LRP2: variants seen among roughly 807,000 people sequenced by gnomAD.
LRP2 encodes the protein LDL receptor related protein 2.
In LRP2, 172 loss-of-function variants were observed where a neutral mutation model predicts 531.0. The observed-to-expected ratio is 0.32, with a 90% CI of 0.29 to 0.37. The LOEUF (loss-of-function observed/expected upper bound fraction) is 0.37, where lower values mean the gene tolerates loss of function less well. LRP2 is among the 10% of genes least tolerant of loss of function. The probability of loss-of-function intolerance (pLI) is 1.00; values close to 1 mark genes in which losing one functional copy is unlikely to be tolerated. For synonymous variants in LRP2, 1,992 were observed against 2,027.6 expected, an observed-to-expected ratio of 0.98 and a Z score of 0.47; for missense variants, 5,167 against 5,868.3, an observed-to-expected ratio of 0.88 and a Z score of 3.90.
At chr2:169,289,863 A>T (rs1281961707) in intron 8 of LRP2, among the ~76,000 whole-genome samples, 1 of 151,508 alleles carries the variant, frequency 6.6e-6, no homozygotes, top group Non-Finnish European at 1.5e-5. Context: ...AAGCTTTTTT[A>T]AATGGGCTCC....
chr2:169,361,340 GTC>G (rs1240569991), intron 1 of LRP2, among the ~76,000 whole-genome samples: 14 of 23,272 alleles, frequency 6.0e-4, no homozygotes, highest in African/African-American at 1.3e-3. Context: ...GTCTCTCTCT[GTC>G]TCTCTCTGTC....
intron 3 of LRP2, 38 bp downstream of exon 3, chr2:169,318,724 C>A: frequency 1.2e-6 from 2 of 1,613,788 alleles, no homozygotes; most frequent in Non-Finnish European, 1.7e-6. Flanking sequence ...TTTTAGGTGT[C>A]CACAAAGCCA....
At chr2:169,191,789 G>T in intron 48 of LRP2, 43 bp downstream of exon 48, 1 of 1,567,872 alleles carries the variant, frequency 6.4e-7, no homozygotes, top group Non-Finnish European at 8.8e-7. Flanking sequence ...AGCCCCCATG[G>T]ACATTTGAGG....
chr2:169,211,125 C>T (rs1267707070), intron 37 of LRP2, among the ~76,000 whole-genome samples: 5 of 152,184 alleles, frequency 3.3e-5, no homozygotes, highest in Admixed American at 1.3e-4. Context: ...CATGGGTCCA[C>T]GTGAACATGA....
Position 169,270,753 on chromosome 2 carries a change from A to G in LRP2, c.2320+151T>C, listed in dbSNP as rs897388453. The G allele has an allele frequency of 1.8e-4, 44 of 240,116 alleles. No homozygotes were observed. The Admixed American group carries it at 2.1e-3, about 11-fold the overall frequency. 14.9% of individuals were successfully genotyped at this position (240,116 alleles called of 1,614,324 possible). A position where few individuals can be genotyped will look rare whatever the true frequency, so the allele number is the denominator to read the frequency against. On this transcript the variant is annotated intron_variant, in intron 16 of 78. Coordinates refer to ENST00000649046, the MANE Select transcript of LRP2 (RefSeq NM_004525.3). Reference sequence around the variant, plus strand: ...CATGTACCCTAGAACTTAAAGTAAAATAGTATAAATAAATAAATAAATAAA... The same window carrying G: ...CATGTACCCTAGAACTTAAAGTAAAGTAGTATAAATAAATAAATAAATAAA...
At chr2:169,287,417 AACCTACAGTT>A (rs1453225235) in intron 9 of LRP2, among the ~76,000 whole-genome samples, 1 of 152,162 alleles carries the variant, frequency 6.6e-6, no homozygotes, top group African/African-American at 2.4e-5. Flanking sequence ...TGATATTAAG[AACCTACAGTT>A]ACCCACTATG....
At chr2:169,325,814 T>C (rs1402142444) in intron 1 of LRP2, among the ~76,000 whole-genome samples, 1 of 152,068 alleles carries the variant, frequency 6.6e-6, no homozygotes. Flanking sequence ...TTTTTTTTAA[T>C]CCAGTTTACA....
chr2:169,236,046 C>G lies in LRP2; in HGVS notation c.4714G>C (p.Asp1572His), dbSNP rs778055388. 5.0e-6 allele frequency: 8 copies of G among 1,613,826 alleles called. No individual in the cohort carries two copies. Among genetic ancestry groups the G allele is most frequent in the Non-Finnish European group, 6.8e-6 (8 of 1,179,884 alleles). ...TCGATGCGAGGGTGGTGGCCCCAGT[C>G]AGACCAGAACAGTAGATGCTCACTG... is the stretch of plus-strand genomic sequence containing the variant. ...RMNEHLLFWS[D>H]WGHHPRIERA... Residue 1572 changes from aspartate (D) to histidine (H), a missense_variant, in exon 29 of 79, where the codon GAC (aspartate) becomes CAC (histidine). Asp to His is a moderately conservative substitution (Grantham distance 81, BLOSUM62 -1). This residue lies in a region of LRP2 where 2,811 missense variants were observed against 3,058.0 expected (regional missense o/e 0.92). Transcript: ENST00000649046.
In LRP2 at chr2:169,147,023, C is replaced by T. The variant is rs562257346; in HGVS notation, c.12591-64G>A. The T allele has an allele frequency of 1.4e-4, 177 of 1,230,148 alleles. No individual in the cohort carries two copies. The South Asian group carries it at 2.1e-3, about 15-fold the overall frequency. 76.2% of individuals were successfully genotyped at this position (1,230,148 alleles called of 1,614,324 possible). On this transcript the variant is annotated intron_variant, in intron 68 of 78. Coordinates refer to ENST00000649046, the MANE Select transcript of LRP2 (RefSeq NM_004525.3). ...GTAAGACTTCTCCACTACAGCAGAG[C>T]ACAGGGCATTACCTACAGGGAAACC...
chr2:169,182,568 C>G, intron 50 of LRP2: 2 of 1,359,528 alleles, frequency 1.5e-6, no homozygotes, highest in South Asian at 1.5e-5. Flanking sequence ...GGGGGACACA[C>G]TTCATTCGAC....
Position 169,202,750 on chromosome 2 carries a change from A to G in LRP2, c.8209+6T>C, listed in dbSNP as rs752083942. On this transcript the variant is annotated splice_donor_region_variant and intron_variant, in intron 43 of 78. Coordinates refer to ENST00000649046, the MANE Select transcript of LRP2 (RefSeq NM_004525.3). ...TCCTACCAAAAGCGCCAAGAGTCCA[A>G]CTCACCACAGACACTTTCCATCTCA... 1.9e-6 allele frequency: 3 copies of G among 1,614,132 alleles called. No homozygotes were observed. The highest frequency in any genetic ancestry group is 2.7e-5 in the African/African-American group (2 of 75,042).
chr2:169,195,948 T>C (rs1687988608), intron 46 of LRP2, among the ~76,000 whole-genome samples: 1 of 152,170 alleles, frequency 6.6e-6, no homozygotes, highest in African/African-American at 2.4e-5. Flanking sequence ...TTAAATACGA[T>C]GTTAATATTT....
chr2:169,355,944 G>T (rs1427996737), intron 1 of LRP2, among the ~76,000 whole-genome samples: 1 of 152,200 alleles, frequency 6.6e-6, no homozygotes, highest in African/African-American at 2.4e-5. Context: ...AGGCTGGAGT[G>T]CAGTGGCATG....
At chr2:169,236,173 A>C in intron 28 of LRP2, 105 bp from the exon 29 acceptor site, 1 of 856,648 alleles carries the variant, frequency 1.2e-6, no homozygotes, top group Non-Finnish European at 1.9e-6. Flanking sequence ...GCTTAAAATA[A>C]ATCATCTCTG....
chr2:169,218,662 T>C (rs765033729), intron 34 of LRP2, among the ~76,000 whole-genome samples: 10 of 152,134 alleles, frequency 6.6e-5, no homozygotes, highest in Non-Finnish European at 1.2e-4. Flanking sequence ...GGACTGCATG[T>C]CCTTCCGTGC....
Position 169,217,796 on chromosome 2 carries a change from C to T in LRP2, c.5649-1366G>A, listed in dbSNP as rs373751241. On this transcript the variant is annotated intron_variant, in intron 34 of 78. Transcript: ENST00000649046. The stretch of plus-strand genomic sequence containing the variant: ...TCGAATTCCTTCCCCATAACTTTCA[C>T]TCTCAATCAATTATTTCTTCATCCT... Among the ~76,000 whole-genome samples, 17 of 152,264 alleles carry T rather than the reference C, an allele frequency of 1.1e-4. No homozygotes were observed. The East Asian group carries it at 1.3e-3, about 12-fold the overall frequency.
chr2:169,267,223 T>C (rs1305128321), intron 16 of LRP2, among the ~76,000 whole-genome samples: 1 of 152,064 alleles, frequency 6.6e-6, no homozygotes, highest in East Asian at 1.9e-4. Context: ...TAAATTTATT[T>C]TCTCAATCTA....
At chr2:169,169,520 C>G (rs1036862779) in intron 60 of LRP2, among the ~76,000 whole-genome samples, 182 bp downstream of exon 60, 1 of 152,208 alleles carries the variant, frequency 6.6e-6, no homozygotes, top group Non-Finnish European at 1.5e-5. Context: ...TACACTTGAA[C>G]GGCCATTGTG....
Position 169,237,060 on chromosome 2 carries a change from C to T in LRP2, c.4691+43G>A, listed in dbSNP as rs2105376875. On this transcript the variant is annotated intron_variant, in intron 28 of 78. Coordinates refer to ENST00000649046, the MANE Select transcript of LRP2 (RefSeq NM_004525.3). The stretch of plus-strand genomic sequence containing the variant: ...CATGTTACTGTTGTTTTTCCCTCAT[C>T]ATAACCATGTCAAGGCAACATAATT... 3.9e-6 allele frequency: 6 copies of T among 1,523,374 alleles called. No individual in the cohort carries two copies. The East Asian group carries it at 1.1e-4, about 29-fold the overall frequency. The allele number at this position is 1,523,374 out of a possible 1,614,324, so 94.4% of individuals were successfully genotyped here. A position where few individuals can be genotyped will look rare whatever the true frequency, so the allele number is the denominator to read the frequency against.
Sources: allele counts gnomAD v4.1 joint callset (sites outside exome capture counted in the v4.1 genomes callset), GRCh38; gene constraint gnomAD v4.1.1; regional missense constraint gnomAD v4.1.1; transcripts MANE v1.5; gene names NCBI Gene and HGNC (gene_info 2026-07-23, HGNC 2026-07-21).